Variants in RASSF3 observed in about 807,000 individuals in gnomAD.
RASSF3 encodes the protein ras association domain-containing protein 3.
In RASSF3, 19 loss-of-function variants were observed where a neutral mutation model predicts 19.9. The observed-to-expected ratio is 0.96, with a 90% confidence interval of 0.67 to 1.40. The LOEUF is 1.40. Among genes scored for constraint, RASSF3 ranks in the 40% most tolerant of loss-of-function variants. The pLI is 0.00. For synonymous variants in RASSF3, 110 were observed against 104.2 expected (o/e 1.06, Z -0.34); for missense variants, 306 against 289.8 (o/e 1.06, Z -0.41).
At chr12:64,581,682 G>A (rs1435728232) in intron 2 of RASSF3, among the ~76,000 whole-genome samples, 1 of 152,100 alleles carries the variant, frequency 6.6e-6, no homozygotes, top group East Asian at 1.9e-4. Context: ...TGTTTTTAAA[G>A]TTATAGGCAA....
chr12:64,611,268 G>A (rs528139840), intron 1 of RASSF3, among the ~76,000 whole-genome samples: 3 of 152,332 alleles, frequency 2.0e-5, no homozygotes, highest in East Asian at 1.9e-4. Flanking sequence ...GGCACCGTGG[G>A]CCTCGCCACC....
At chr12:64,550,580 C>T (rs1370741686) in intron 2 of RASSF3, among the ~76,000 whole-genome samples, 1 of 151,770 alleles carries the variant, frequency 6.6e-6, no homozygotes, top group East Asian at 1.9e-4. Context: ...CGCTTGAACC[C>T]GGGAGGCAAG....
At chr12:64,565,847 C>T (rs1321713249) in intron 2 of RASSF3, among the ~76,000 whole-genome samples, 4 of 151,664 alleles carry the variant, frequency 2.6e-5, no homozygotes, top group African/African-American at 4.9e-5. Flanking sequence ...CTCGCCACTG[C>T]CCTCCAGCCT....
chr12:64,544,233 G>A (rs1022871397), downstream of RASSF3, among the ~76,000 whole-genome samples: 15 of 151,328 alleles, frequency 9.9e-5, no homozygotes, highest in African/African-American at 3.2e-4. Flanking sequence ...TCGAGACCAC[G>A]AACCCACCGG....
At chr12:64,539,583 C>T (rs1868900338) in intron 1 of RASSF3, among the ~76,000 whole-genome samples, 1 of 152,108 alleles carries the variant, frequency 6.6e-6, no homozygotes, top group South Asian at 2.1e-4. Flanking sequence ...CAAGACCAGC[C>T]TAGGCAACAT....
chr12:64,694,681 C>T (rs1434400991), intron 4 of RASSF3, 82 bp from the exon 5 acceptor site: 3 of 1,504,586 alleles, frequency 2.0e-6, no homozygotes, highest in South Asian at 2.3e-5. Context: ...GGCAGCCGCA[C>T]CTCTGGGAGC....
chr12:64,608,458 G>A (rs1272867392), upstream of RASSF3, among the ~76,000 whole-genome samples: 3 of 152,028 alleles, frequency 2.0e-5, no homozygotes, highest in East Asian at 1.9e-4. Flanking sequence ...AGTAGCTGGC[G>A]CACGCTACCA....
chr12:64,635,442 A>C (rs991595291), intron 1 of RASSF3, among the ~76,000 whole-genome samples: 6 of 152,218 alleles, frequency 3.9e-5, no homozygotes, highest in African/African-American at 1.4e-4. Context: ...GGAAAGTCAT[A>C]AAGAGCCATT....
chr12:64,539,360 C>G (rs1416015063), intron 1 of RASSF3, among the ~76,000 whole-genome samples: 2 of 152,122 alleles, frequency 1.3e-5, no homozygotes, highest in African/African-American at 4.8e-5. Context: ...AAGGCCTTAC[C>G]TTCAAATACT....
At chr12:64,674,710 G>T (rs1284013099) in intron 1 of RASSF3, among the ~76,000 whole-genome samples, 1 of 152,162 alleles carries the variant, frequency 6.6e-6, no homozygotes, top group African/African-American at 2.4e-5. Context: ...GGTTCTGAGG[G>T]CAGGGAGGTA....
intron 2 of RASSF3, among the ~76,000 whole-genome samples, chr12:64,592,795 C>A (rs2136141308): frequency 6.6e-6 from 1 of 152,128 alleles, no homozygotes; most frequent in South Asian, 2.1e-4. Context: ...TGCCAAGATG[C>A]CTGGCTAATT....
At chr12:64,659,771 A>G (rs1872278340) in intron 1 of RASSF3, among the ~76,000 whole-genome samples, 1 of 151,954 alleles carries the variant, frequency 6.6e-6, no homozygotes, top group African/African-American at 2.4e-5. Context: ...AACATGGTGA[A>G]ACCCCATCTC....
At chr12:64,606,909 T>C (rs951366891), upstream of RASSF3, among the ~76,000 whole-genome samples, 2 of 152,226 alleles carry the variant, frequency 1.3e-5, no homozygotes, top group Admixed American at 6.5e-5. Flanking sequence ...AGTGTCTAGT[T>C]GCTTAACATG....
intron 1 of RASSF3, chr12:64,622,394 G>T: frequency 2.0e-6 from 1 of 504,732 alleles, no homozygotes. Context: ...ACTAGGTATT[G>T]AAAAAAGGAT....
intron 1 of RASSF3, among the ~76,000 whole-genome samples, chr12:64,664,190 A>G (rs939950479): frequency 1.1e-4 from 16 of 152,230 alleles, no homozygotes; most frequent in African/African-American, 3.6e-4. Context: ...GTTGTCAATC[A>G]TGGTTCTTTG....
chr12:64,585,256 A>G (rs1382823708), intron 2 of RASSF3, among the ~76,000 whole-genome samples: 1 of 152,112 alleles, frequency 6.6e-6, no homozygotes, highest in East Asian at 1.9e-4. Context: ...TAAAATCCAC[A>G]TGCTTTACCA....
intron 1 of RASSF3, among the ~76,000 whole-genome samples, chr12:64,665,648 A>C (rs1872520525): frequency 6.6e-6 from 1 of 152,150 alleles, no homozygotes. Context: ...CCTGGAAGTT[A>C]CCACCCTTTT....
At chr12:64,577,689 G>A (rs1322806478) in intron 2 of RASSF3, among the ~76,000 whole-genome samples, 1 of 151,938 alleles carries the variant, frequency 6.6e-6, no homozygotes, top group South Asian at 2.1e-4. Context: ...CCAAGATCAC[G>A]GCACTGCACT....
At chr12:64,558,090 A>C (rs927330370) in intron 2 of RASSF3, among the ~76,000 whole-genome samples, 1 of 152,176 alleles carries the variant, frequency 6.6e-6, no homozygotes, top group Non-Finnish European at 1.5e-5. Flanking sequence ...GGCTTGCCAA[A>C]AAGTGACCAG....
Sources: gnomAD v4.1 joint callset for allele counts (sites outside exome capture counted in the v4.1 genomes callset) on GRCh38, gnomAD v4.1.1 for gene constraint, MANE v1.5 for transcripts, NCBI Gene and HGNC (gene_info 2026-07-23, HGNC 2026-07-21) for gene names.